FAM107B: variants seen among roughly 807,000 people sequenced by gnomAD.
FAM107B encodes family with sequence similarity 107 member B.
In FAM107B, 21 loss-of-function variants were observed where a neutral mutation model predicts 31.5. That is an observed-to-expected ratio of 0.67 (90% CI 0.47 to 0.96). The LOEUF (loss-of-function observed/expected upper bound fraction) is 0.96, where lower values mean the gene tolerates loss of function less well. Ranked by LOEUF, FAM107B falls within the 40% of genes least tolerant of loss-of-function variation. FAM107B has a pLI of 0.00. For missense variants in FAM107B, 452 were observed against 377.1 expected (o/e 1.20, Z -1.64); for synonymous variants, 157 against 141.5 (o/e 1.11, Z -0.78).
intron 1 of FAM107B, among the ~76,000 whole-genome samples, chr10:14,706,424 C>T (rs1855521595): frequency 2.0e-5 from 3 of 152,110 alleles, no homozygotes; most frequent in South Asian, 4.1e-4. Flanking sequence ...GATAAGGTCC[C>T]ACTATGTTGC....
At chr10:14,585,325 GC>G (rs1213730823) in intron 2 of FAM107B, among the ~76,000 whole-genome samples, 1 of 152,052 alleles carries the variant, frequency 6.6e-6, no homozygotes, top group African/African-American at 2.4e-5. Flanking sequence ...ACTCTCGCAA[GC>G]CCCATCTTCC....
chr10:14,769,778 G>C (rs1261937835), intron 1 of FAM107B, among the ~76,000 whole-genome samples: 1 of 152,210 alleles, frequency 6.6e-6, no homozygotes, highest in African/African-American at 2.4e-5. Context: ...CCCAGTTCAA[G>C]TACAAGCTAG....
At chr10:14,716,093 T>C (rs2688872) in intron 1 of FAM107B, among the ~76,000 whole-genome samples, 2,749 of 152,328 alleles carry the variant, frequency 0.018, 96 homozygotes, top group African/African-American at 0.064. Context: ...AGAAGCCCTA[T>C]TGGTTTTCCA....
chr10:14,728,846 A>G (rs1856097245), intron 1 of FAM107B, among the ~76,000 whole-genome samples: 1 of 152,182 alleles, frequency 6.6e-6, no homozygotes, highest in Admixed American at 6.5e-5. Context: ...AATTTTTGAC[A>G]AGAGTAGGCT....
chr10:14,694,285 A>T (rs1269289362), intron 1 of FAM107B, among the ~76,000 whole-genome samples: 1 of 152,156 alleles, frequency 6.6e-6, no homozygotes, highest in African/African-American at 2.4e-5. Context: ...TTTCTTTAAG[A>T]CTTCCATATT....
rs1051525606 is a variant in FAM107B at position 14,519,057 on chromosome 10, A to C, written c.*2133T>G. 4 of 152,430 alleles carry C rather than the reference A, an allele frequency of 2.6e-5. No individual in the cohort carries two copies. The highest frequency in any genetic ancestry group is 5.9e-5 in the Non-Finnish European group (4 of 68,042). The allele number at this position is 152,430 out of a possible 1,614,324, so 9.4% of individuals were successfully genotyped here. On this transcript the variant is annotated 3_prime_UTR_variant, in exon 5 of 5. Coordinates refer to ENST00000181796, the MANE Select transcript of FAM107B (RefSeq NM_031453.4). ...ACCGTTTAGCATAAGACACCACTTT[A>C]CGCTATTTACAAGTCTCCTTTTGGC...
At chr10:14,540,691 A>C (rs1848102870) in intron 2 of FAM107B, among the ~76,000 whole-genome samples, 4 of 152,316 alleles carry the variant, frequency 2.6e-5, no homozygotes, top group Admixed American at 2.0e-4. Context: ...TTCTGCTACA[A>C]GAGCTGTTTC....
chr10:14,729,017 G>C (rs760424904), intron 1 of FAM107B, among the ~76,000 whole-genome samples: 5 of 151,626 alleles, frequency 3.3e-5, no homozygotes, highest in Non-Finnish European at 7.4e-5. Flanking sequence ...TTTTTAAATG[G>C]GGTCTTGCTC....
At chr10:14,693,875 T>C (rs912235033) in intron 1 of FAM107B, among the ~76,000 whole-genome samples, 1 of 152,222 alleles carries the variant, frequency 6.6e-6, no homozygotes, top group African/African-American at 2.4e-5. Flanking sequence ...AGTATTTGCT[T>C]TTCCACATGT....
At chr10:14,729,110 A>C (rs1282233036) in intron 1 of FAM107B, among the ~76,000 whole-genome samples, 1 of 151,954 alleles carries the variant, frequency 6.6e-6, no homozygotes, top group Non-Finnish European at 1.5e-5. Context: ...CTCCCACCTC[A>C]GCCTCCCAAG....
intron 1 of FAM107B, among the ~76,000 whole-genome samples, chr10:14,772,272 T>C (rs1179519026): frequency 2.0e-5 from 3 of 151,910 alleles, no homozygotes; most frequent in African/African-American, 7.3e-5. Flanking sequence ...GAGAATTGCT[T>C]GAACCTGGGA....
chr10:14,743,212 G>GT lies in FAM107B; in HGVS notation c.411+31040dup, dbSNP rs557126013. On this transcript the variant is annotated intron_variant, in intron 1 of 4. Coordinates refer to ENST00000181796, the MANE Select transcript of FAM107B (RefSeq NM_031453.4). The stretch of plus-strand genomic sequence containing the variant: ...CATGTCCTTTGCCCACATTTTAATG[G>GT]TTTTTTTCTTGTAAATTTAAGTTCC... Among the ~76,000 whole-genome samples the GT allele has an allele frequency of 4.0e-3, 608 of 152,000 alleles. 5 individuals carry two copies. The highest frequency in any genetic ancestry group is 5.4e-3 in the Non-Finnish European group (364 of 67,946).
At position 14,572,761 on chromosome 10, in the gene FAM107B, T is replaced by TATATATATATATATATATA. The variant is rs1554835550; in HGVS notation, c.470-42247_470-42246insTATATATATATATATATAT. On this transcript the variant is annotated intron_variant, in intron 2 of 4. Transcript: ENST00000181796. ...AATTTATATATATATATATATATAT[T>TATATATATATATATATATA]AGAGTGTGTGTGTATATATGTTATG... 2.1e-4 allele frequency among the ~76,000 whole-genome samples: 16 copies of TATATATATATATATATATA among 76,048 alleles called. No individual in the cohort carries two copies. In the South Asian group the frequency reaches 2.4e-3, roughly 11 times the overall value. The allele number at this position is 76,048 out of a possible 152,430, so 49.9% of individuals were successfully genotyped here. A position where few individuals can be genotyped will look rare whatever the true frequency, so the allele number is the denominator to read the frequency against.
Position 14,774,412 on chromosome 10 carries a change from C to G in FAM107B, c.252G>C (p.Glu84Asp). ...AATTCCGATTCGCACTGCCATTTCTCTCTGCATGGGTGCTCGAATCTTGCC... is the reference window on the plus strand; with the variant it reads ...AATTCCGATTCGCACTGCCATTTCTGTCTGCATGGGTGCTCGAATCTTGCC... ...EKRQDSSTHA[E>D]RNGSANRNSS... is the part of the protein sequence containing the mutation. The change falls in exon 1 of 5, where the codon GAG becomes GAC. Residue 84 changes from glutamate (E) to aspartate (D), a missense_variant. Physicochemically the swap from Glu to Asp is conservative, Grantham distance 45. Coordinates refer to ENST00000181796, the MANE Select transcript of FAM107B (RefSeq NM_031453.4). 6.2e-7 allele frequency: 1 copy of G among 1,614,240 alleles called. No homozygotes were observed. Among genetic ancestry groups the G allele is most frequent in the Non-Finnish European group, 8.5e-7 (1 of 1,180,042 alleles).
rs77534816 is a variant in FAM107B at position 14,763,313 on chromosome 10, T to C, written c.411+10940A>G. Among the ~76,000 whole-genome samples the C allele has an allele frequency of 8.6e-3, 1,317 of 152,298 alleles. 80 individuals are homozygous for C. In the East Asian group the frequency reaches 0.16, roughly 19 times the overall value. On this transcript the variant is annotated intron_variant, in intron 1 of 4. Transcript: ENST00000181796. Reference sequence around the variant, plus strand: ...CAGATTCTGGTGACTTTGTTCAGTATACAGGATCAGGAAATAGGACTCTTT... The same window carrying C: ...CAGATTCTGGTGACTTTGTTCAGTACACAGGATCAGGAAATAGGACTCTTT...
At chr10:14,570,233 G>GGTGGGTGTGTGTGT (rs768204428) in intron 2 of FAM107B, among the ~76,000 whole-genome samples, 453 of 140,422 alleles carry the variant, frequency 3.2e-3, no homozygotes, top group South Asian at 9.7e-3. Context: ...AAATGTGGTG[G>GGTGGGTGTGTGTGT]GTGTGTGTGT....
At chr10:14,675,266 C>A (rs2131485688) in intron 1 of FAM107B, among the ~76,000 whole-genome samples, 1 of 152,216 alleles carries the variant, frequency 6.6e-6, no homozygotes, top group East Asian at 1.9e-4. Context: ...TTTTATGGCA[C>A]CGTGGTCAGG....
At chr10:14,632,400 A>T (rs1190265418) in intron 2 of FAM107B, among the ~76,000 whole-genome samples, 1 of 151,386 alleles carries the variant, frequency 6.6e-6, no homozygotes, top group Non-Finnish European at 1.5e-5. Flanking sequence ...TCATGAGGTC[A>T]GGAGATCGAG....
chr10:14,747,035 G>T (rs1832738846), intron 1 of FAM107B, among the ~76,000 whole-genome samples: 1 of 152,076 alleles, frequency 6.6e-6, no homozygotes, highest in African/African-American at 2.4e-5. Flanking sequence ...TCTTATTTCA[G>T]CAAGATAGCC....
Sources: gnomAD v4.1 joint callset for allele counts (sites outside exome capture counted in the v4.1 genomes callset) on GRCh38, gnomAD v4.1.1 for gene constraint, MANE v1.5 for transcripts, NCBI Gene and HGNC (gene_info 2026-07-23, HGNC 2026-07-21) for gene names.